Variants in DCC observed in about 807,000 individuals in gnomAD.
DCC encodes netrin receptor DCC.
In DCC, 58 loss-of-function variants were observed where a neutral mutation model predicts 172.5. That is an observed-to-expected ratio of 0.34 (90% CI 0.27 to 0.42). The LOEUF is 0.42. DCC is among the 10% of genes least tolerant of loss of function. The pLI is 1.00. For synonymous variants in DCC, 709 were observed against 644.5 expected (o/e 1.10, Z -1.52); for missense variants, 1,740 against 1,791.0 (o/e 0.97, Z 0.51).
At chr18:53,401,981 G>A (rs2049213312) in intron 18 of DCC, among the ~76,000 whole-genome samples, 1 of 152,176 alleles carries the variant, frequency 6.6e-6, no homozygotes. Context: ...GACACTCATA[G>A]TTATTTTTTA....
chr18:53,114,055 C>T (rs1390575252), intron 7 of DCC, among the ~76,000 whole-genome samples: 1 of 151,452 alleles, frequency 6.6e-6, no homozygotes, highest in Non-Finnish European at 1.5e-5. Flanking sequence ...CTATAAATTA[C>T]TGATTGAAAA....
intron 5 of DCC, among the ~76,000 whole-genome samples, chr18:53,050,755 A>G (rs1166875236): frequency 6.6e-6 from 1 of 152,084 alleles, no homozygotes; most frequent in Non-Finnish European, 1.5e-5. Context: ...TCCTATTTGG[A>G]TACATTTTAT....
At chr18:52,586,610 AG>A (rs1377537136) in intron 1 of DCC, among the ~76,000 whole-genome samples, 1 of 152,202 alleles carries the variant, frequency 6.6e-6, no homozygotes, top group Admixed American at 6.5e-5. Context: ...GTAATGTTGC[AG>A]GAACAGGAAG....
At chr18:52,474,307 G>A (rs1447663057) in intron 1 of DCC, among the ~76,000 whole-genome samples, 1 of 151,968 alleles carries the variant, frequency 6.6e-6, no homozygotes, top group East Asian at 1.9e-4. Flanking sequence ...GAAGTCGGGG[G>A]AGTAGGAGGC....
chr18:52,855,753 C>T (rs976483942), intron 2 of DCC, among the ~76,000 whole-genome samples: 4 of 145,582 alleles, frequency 2.7e-5, no homozygotes, highest in East Asian at 2.0e-4. Flanking sequence ...AAAACATTAG[C>T]GTATAAATTC....
At chr18:52,654,636 C>T (rs2035210509) in intron 1 of DCC, among the ~76,000 whole-genome samples, 4 of 152,100 alleles carry the variant, frequency 2.6e-5, no homozygotes, top group Admixed American at 1.3e-4. Flanking sequence ...AAGGCTCACC[C>T]AAAAAAGTTA....
intron 1 of DCC, among the ~76,000 whole-genome samples, chr18:52,636,660 C>A (rs770198052): frequency 6.6e-6 from 1 of 152,150 alleles, no homozygotes; most frequent in Non-Finnish European, 1.5e-5. Context: ...TCTCCCACAG[C>A]AGCAAGACCC....
intron 27 of DCC, among the ~76,000 whole-genome samples, chr18:53,515,606 G>A (rs2046323888): frequency 7.0e-6 from 1 of 143,586 alleles, no homozygotes; most frequent in Non-Finnish European, 1.5e-5. Flanking sequence ...CAAAGTCTCA[G>A]GATACAAAAT....
chr18:52,630,824 TA>T (rs1348848808), intron 1 of DCC, among the ~76,000 whole-genome samples: 2 of 152,232 alleles, frequency 1.3e-5, no homozygotes, highest in Non-Finnish European at 2.9e-5. Flanking sequence ...TACTACCTTG[TA>T]CACAGCAAGT....
intron 1 of DCC, among the ~76,000 whole-genome samples, chr18:52,650,766 A>G (rs1312982615): frequency 6.6e-6 from 1 of 152,226 alleles, no homozygotes; most frequent in African/African-American, 2.4e-5. Context: ...TGTAGCTGAC[A>G]TTCCTAGCAG....
chr18:52,649,684 C>T (rs76979233), intron 1 of DCC, among the ~76,000 whole-genome samples: 9,720 of 152,138 alleles, frequency 0.064, 405 homozygotes, highest in Non-Finnish European at 0.089. Context: ...TGAGTTGTTT[C>T]AATTACAATA....
intron 16 of DCC, among the ~76,000 whole-genome samples, chr18:53,389,115 C>T (rs1209155353): frequency 1.3e-5 from 2 of 152,078 alleles, no homozygotes; most frequent in Admixed American, 1.3e-4. Flanking sequence ...TGTAATGACT[C>T]AACATTCATG....
At chr18:52,819,824 T>C (rs1901591262) in intron 2 of DCC, among the ~76,000 whole-genome samples, 1 of 152,032 alleles carries the variant, frequency 6.6e-6, no homozygotes, top group Non-Finnish European at 1.5e-5. Context: ...GTTCATGCCA[T>C]TCTCCTGCCT....
chr18:52,883,326 T>TTTTA (rs1555677283), intron 2 of DCC, among the ~76,000 whole-genome samples: 253 of 61,994 alleles, frequency 4.1e-3, no homozygotes, highest in African/African-American at 0.012. Flanking sequence ...TTATTTTATT[T>TTTTA]TTTATTTATT....
chr18:53,418,340 C>A (rs906409074), intron 21 of DCC, among the ~76,000 whole-genome samples: 3 of 152,064 alleles, frequency 2.0e-5, no homozygotes, highest in Non-Finnish European at 4.4e-5. Context: ...GAGTTGATGA[C>A]CACATGCATG....
At chr18:53,112,937 T>C (rs964691102) in intron 7 of DCC, among the ~76,000 whole-genome samples, 2 of 151,576 alleles carry the variant, frequency 1.3e-5, no homozygotes, top group African/African-American at 4.8e-5. Flanking sequence ...ATTAAAATAC[T>C]GACTTACATT....
At chr18:52,402,110 T>A (rs1986462586) in intron 1 of DCC, among the ~76,000 whole-genome samples, 1 of 152,030 alleles carries the variant, frequency 6.6e-6, no homozygotes, top group Non-Finnish European at 1.5e-5. Flanking sequence ...CATATCTAAC[T>A]GATTGGGTTA....
At chr18:53,307,870 C>G (rs930615954) in intron 13 of DCC, among the ~76,000 whole-genome samples, 1 of 130,274 alleles carries the variant, frequency 7.7e-6, no homozygotes, top group Admixed American at 8.6e-5. Context: ...ATGTCCATAA[C>G]CCTTCTGGAA....
intron 5 of DCC, among the ~76,000 whole-genome samples, chr18:52,935,497 A>C (rs927692070): frequency 6.6e-6 from 1 of 152,142 alleles, no homozygotes; most frequent in Non-Finnish European, 1.5e-5. Context: ...CCATCAATTC[A>C]GATTTGTTTG....
Sources: allele counts gnomAD v4.1 joint callset (sites outside exome capture counted in the v4.1 genomes callset), GRCh38; gene constraint gnomAD v4.1.1; transcripts MANE v1.5; gene names NCBI Gene and HGNC (gene_info 2026-07-23, HGNC 2026-07-21).